The following CLMN variants were observed in gnomAD, a reference collection of about 807,000 sequenced individuals.
CLMN encodes the protein calmin.
Under a neutral mutation model 92.7 loss-of-function variants are expected in CLMN, and 57 were observed. The ratio of observed to expected loss-of-function variants is 0.61; its 90% CI spans 0.50 to 0.77. CLMN has a LOEUF of 0.77. Ranked by LOEUF, CLMN falls within the 30% of genes least tolerant of loss-of-function variation. The pLI, the probability that CLMN is intolerant of heterozygous loss-of-function variation, is 0.00. For missense variants in CLMN, 1,158 were observed against 1,237.5 expected (o/e 0.94, Z 0.96); for synonymous variants, 466 against 470.6 (o/e 0.99, Z 0.13).
intron 2 of CLMN, among the ~76,000 whole-genome samples, chr14:95,226,206 A>G (rs1391706402): frequency 6.6e-6 from 1 of 152,186 alleles, no homozygotes; most frequent in East Asian, 1.9e-4. Flanking sequence ...ATATAATGGC[A>G]CAGTATTTGT....
chr14:95,217,348 C>G (rs745412671), intron 4 of CLMN, among the ~76,000 whole-genome samples: 1 of 152,186 alleles, frequency 6.6e-6, no homozygotes, highest in Non-Finnish European at 1.5e-5. Flanking sequence ...ATCAGTTCAT[C>G]ATGGGTTTCC....
intron 2 of CLMN, among the ~76,000 whole-genome samples, chr14:95,228,235 T>C (rs1439613829): frequency 7.9e-5 from 12 of 152,234 alleles, no homozygotes; most frequent in Admixed American, 7.9e-4. Flanking sequence ...CCAGCTACCC[T>C]GACACACATC....
chr14:95,226,423 T>G (rs1897714135), intron 2 of CLMN, among the ~76,000 whole-genome samples: 1 of 152,168 alleles, frequency 6.6e-6, no homozygotes, highest in Non-Finnish European at 1.5e-5. Flanking sequence ...GCCACAGATG[T>G]GGAACCCACA....
intron 1 of CLMN, among the ~76,000 whole-genome samples, chr14:95,283,750 G>T (rs776483905): frequency 6.6e-6 from 1 of 152,200 alleles, no homozygotes; most frequent in Non-Finnish European, 1.5e-5. Flanking sequence ...TTTCTAAGCA[G>T]CAAAGCATTC....
chr14:95,285,495 T>C (rs1900306794), intron 1 of CLMN, among the ~76,000 whole-genome samples: 3 of 152,230 alleles, frequency 2.0e-5, no homozygotes, highest in African/African-American at 7.2e-5. Context: ...GTGAACGCTG[T>C]CTGGGCCTCT....
intron 1 of CLMN, among the ~76,000 whole-genome samples, chr14:95,239,544 G>A (rs960678499): frequency 2.0e-5 from 3 of 152,106 alleles, no homozygotes; most frequent in Non-Finnish European, 2.9e-5. Context: ...AAAGTGTTCC[G>A]GTTTCTGAAT....
At chr14:95,258,087 G>A (rs535905633) in intron 1 of CLMN, among the ~76,000 whole-genome samples, 1 of 151,842 alleles carries the variant, frequency 6.6e-6, no homozygotes, top group African/African-American at 2.4e-5. Flanking sequence ...CTTGTGTGGG[G>A]TGTGGGGAAT....
intron 1 of CLMN, among the ~76,000 whole-genome samples, chr14:95,277,650 T>TA (rs1319945198): frequency 1.3e-5 from 2 of 152,134 alleles, no homozygotes; most frequent in Admixed American, 6.5e-5. Flanking sequence ...TTTTTGGAGA[T>TA]AGAGTCTCCC....
intron 2 of CLMN, among the ~76,000 whole-genome samples, chr14:95,228,676 C>T (rs1449670111): frequency 6.6e-6 from 1 of 152,146 alleles, no homozygotes; most frequent in Non-Finnish European, 1.5e-5. Flanking sequence ...ACTCTTGAAC[C>T]TTTTGTTTTG....
chr14:95,237,373 T>C (rs1224196455), intron 1 of CLMN, among the ~76,000 whole-genome samples: 1 of 152,154 alleles, frequency 6.6e-6, no homozygotes, highest in Non-Finnish European at 1.5e-5. Context: ...GCAGAGAAGG[T>C]GGATCCCACC....
chr14:95,295,593 C>T lies in CLMN; in HGVS notation c.82+24118G>A, dbSNP rs560909484. On this transcript the variant is annotated intron_variant, in intron 1 of 12. Coordinates refer to ENST00000298912, the MANE Select transcript of CLMN (RefSeq NM_024734.4). ...ACACTGGACTAGCCCTCTTTGAATG[C>T]ACAGTTTTCTGGGCTAAAAGAGCAC... is the stretch of plus-strand genomic sequence containing the variant. 5.3e-5 allele frequency among the ~76,000 whole-genome samples: 8 copies of T among 152,262 alleles called. No homozygotes were observed. The South Asian group carries it at 1.7e-3, about 32-fold the overall frequency.
At chr14:95,284,637 C>T (rs1028996925) in intron 1 of CLMN, among the ~76,000 whole-genome samples, 1 of 152,082 alleles carries the variant, frequency 6.6e-6, no homozygotes, top group African/African-American at 2.4e-5. Context: ...TTTGGTGCCC[C>T]CCACCCCCAA....
At position 95,202,831 on chromosome 14, in the gene CLMN, TGAG is replaced by T. The variant is rs1566862280; in HGVS notation, c.2511+4_2511+6del. 2 of 1,518,602 alleles carry T rather than the reference TGAG, an allele frequency of 1.3e-6. No individual in the cohort carries two copies. Among genetic ancestry groups the T allele is most frequent in the Non-Finnish European group, 1.8e-6 (2 of 1,135,026 alleles). The allele number at this position is 1,518,602 out of a possible 1,614,324, so 94.1% of individuals were successfully genotyped here. A position where few individuals can be genotyped will look rare whatever the true frequency, so the allele number is the denominator to read the frequency against. On this transcript the variant is annotated splice_donor_5th_base_variant and intron_variant, in intron 9 of 12. Transcript: ENST00000298912. ...ACCCAGGGTTCCCAAATCCCACGGT[TGAG>T]TACCTGATGGCTGTCCATGGGGTCA... is the stretch of plus-strand genomic sequence containing the variant.
At chr14:95,299,766 C>CTG (rs992181260) in intron 1 of CLMN, among the ~76,000 whole-genome samples, 1 of 152,216 alleles carries the variant, frequency 6.6e-6, no homozygotes, top group Non-Finnish European at 1.5e-5. Context: ...CAGACCTGAC[C>CTG]TGTGCTGGCC....
At position 95,195,714 on chromosome 14, in the gene CLMN, G is replaced by A. The variant is rs1358611525; in HGVS notation, c.2708+784C>T. ...CCATATGAGGCACAGTCCCACCAAT[G>A]TGTCTATAGGTGACGTGAGAATGAA... On this transcript the variant is annotated intron_variant, in intron 10 of 12. Transcript: ENST00000298912. Among the ~76,000 whole-genome samples, 3 of 152,208 alleles carry A rather than the reference G, an allele frequency of 2.0e-5. No individual in the cohort carries two copies. In the East Asian group the frequency reaches 5.8e-4, roughly 29 times the overall value.
intron 1 of CLMN, among the ~76,000 whole-genome samples, chr14:95,290,857 G>A (rs1457915175): frequency 3.3e-5 from 5 of 152,142 alleles, no homozygotes; most frequent in Non-Finnish European, 5.9e-5. Context: ...GTATGCAGTA[G>A]GTGCTCAATG....
In CLMN at chr14:95,202,923, G is replaced by T. The variant is rs1240839091; in HGVS notation, c.2426C>A (p.Pro809Gln). The T allele has an allele frequency of 1.9e-6, 3 of 1,606,104 alleles. No individual in the cohort carries two copies. The highest frequency in any genetic ancestry group is 2.5e-6 in the Non-Finnish European group (3 of 1,177,386). ...GGCCAGTGGAGCGGGTTCTGAGGCT[G>T]GTGTGGTACCCACACCACCCCTGCT... ...YLSRGGVGTT[P>Q]ASEPAPLAPH... Residue 809 changes from proline to glutamine, a missense_variant, in exon 9 of 13, where the codon CCA becomes CAA. By Grantham distance (76) the Pro-to-Gln change is moderately conservative. Transcript: ENST00000298912.
intron 1 of CLMN, among the ~76,000 whole-genome samples, chr14:95,292,160 C>T (rs909680363): frequency 6.6e-6 from 1 of 152,102 alleles, no homozygotes; most frequent in Admixed American, 6.5e-5. Context: ...CCTTAACACC[C>T]TCTACACCAT....
intron 9 of CLMN, among the ~76,000 whole-genome samples, chr14:95,200,621 G>T (rs1443651059): frequency 6.6e-6 from 1 of 152,168 alleles, no homozygotes; most frequent in Non-Finnish European, 1.5e-5. Context: ...CTCCCCATCA[G>T]GCCAGCCGCC....
Sources: gnomAD v4.1 joint callset for allele counts (sites outside exome capture counted in the v4.1 genomes callset) on GRCh38, gnomAD v4.1.1 for gene constraint, MANE v1.5 for transcripts, NCBI Gene and HGNC (gene_info 2026-07-23, HGNC 2026-07-21) for gene names.